ATRX: variants seen among roughly 807,000 people sequenced by gnomAD.
ATRX encodes the protein ATRX chromatin remodeler.
A neutral mutation model predicts 172.6 loss-of-function variants in ATRX; 12 were observed. That is an observed-to-expected ratio of 0.07 (90% CI 0.04 to 0.11). The LOEUF (loss-of-function observed/expected upper bound fraction) is 0.11, where lower values mean the gene tolerates loss of function less well. ATRX is among the 10% of genes least tolerant of loss of function. The pLI, the probability that ATRX is intolerant of heterozygous loss-of-function variation, is 1.00. For synonymous variants in ATRX, 674 were observed against 594.7 expected (o/e 1.13, Z -1.94); for missense variants, 1,368 against 1,767.4 (o/e 0.77, Z 4.05).
intron 30 of ATRX, among the ~76,000 whole-genome samples, chrX:77,534,011 T>C (rs1258177372): frequency 8.9e-6 from 1 of 111,833 alleles, no homozygotes; most frequent in Non-Finnish European, 1.9e-5. Context: ...CGAACAAGGG[T>C]TAATGAATAA....
intron 27 of ATRX, among the ~76,000 whole-genome samples, chrX:77,584,612 GA>G (rs1192804208): frequency 1.8e-5 from 2 of 111,258 alleles, no homozygotes; most frequent in Non-Finnish European, 3.8e-5. Context: ...ATATTCAGGA[GA>G]AAAAAACTAG....
intron 27 of ATRX, among the ~76,000 whole-genome samples, chrX:77,581,005 A>C (rs1557073617): frequency 8.9e-6 from 1 of 111,990 alleles, no homozygotes; most frequent in African/African-American, 3.2e-5. Flanking sequence ...AGCTTACAAT[A>C]ATGGGTTTTA....
intron 9 of ATRX, among the ~76,000 whole-genome samples, chrX:77,677,461 G>A (rs1212839393): frequency 2.7e-5 from 3 of 111,658 alleles, no homozygotes; most frequent in Non-Finnish European, 3.8e-5. Flanking sequence ...GAACTGGTTT[G>A]ATATATCGGT....
At chrX:77,516,122 G>A (rs2063045179) in intron 34 of ATRX, among the ~76,000 whole-genome samples, 1 of 111,410 alleles carries the variant, frequency 9.0e-6, no homozygotes, top group Non-Finnish European at 1.9e-5. Context: ...ATAACTTATG[G>A]GTGCTAGGCT....
At chrX:77,627,021 A>G (rs990769557) in intron 19 of ATRX, among the ~76,000 whole-genome samples, 1 of 110,904 alleles carries the variant, frequency 9.0e-6, no homozygotes, top group African/African-American at 3.3e-5. Flanking sequence ...GTCAGGAGAT[A>G]GAGACCATCC....
At chrX:77,524,747 C>CTT (rs781866146) in intron 30 of ATRX, among the ~76,000 whole-genome samples, 1 of 95,289 alleles carries the variant, frequency 1.0e-5, no homozygotes, top group African/African-American at 3.8e-5. Flanking sequence ...CTTTATAATT[C>CTT]TTTTTTTTTT....
rs1485016267 is a variant in ATRX, at chrX:77,618,875, G to A, written c.5379C>T (p.Thr1793=). 12 of 1,205,541 alleles carry A rather than the reference G, an allele frequency of 1.0e-5. No individual in the cohort carries two copies. In the Admixed American group the frequency reaches 2.4e-4, roughly 24 times the overall value. ...PIQNGQCADS[T]MVDVRVMKKR... ...TTTTCATCACTCTGACATCTACCAT[G>A]GTAGAATCTGCACACTGACCATTTT... The change falls in exon 21 of 35, where the codon ACC becomes ACT. Residue 1793 remains threonine (T), a synonymous_variant. Transcript: ENST00000373344.
chrX:77,713,748 T>A (rs2073227858), intron 2 of ATRX, among the ~76,000 whole-genome samples: 1 of 111,529 alleles, frequency 9.0e-6, no homozygotes. Flanking sequence ...ACATCACCAT[T>A]TTGAACCCAT....
rs1345948455 is a variant in ATRX at position 77,620,658 on chromosome X, G to T, written c.5135-126C>A. 13 of 656,597 alleles carry T rather than the reference G, an allele frequency of 2.0e-5. No homozygotes were observed. In the African/African-American group the frequency reaches 2.2e-4, roughly 11 times the overall value. 54.1% of individuals were successfully genotyped at this position (656,597 alleles called of 1,213,427 possible). A position where few individuals can be genotyped will look rare whatever the true frequency, so the allele number is the denominator to read the frequency against. On this transcript the variant is annotated intron_variant, in intron 19 of 34. Coordinates refer to ENST00000373344, the MANE Select transcript of ATRX (RefSeq NM_000489.6). ...TACAGGAAGATAAAATGACATCGTT[G>T]TAAGTATAAACATATTTTATCTGCT...
intron 1 of ATRX, among the ~76,000 whole-genome samples, chrX:77,762,304 C>CAAAAAA (rs782237740): frequency 8.5e-5 from 2 of 23,406 alleles, no homozygotes; most frequent in African/African-American, 1.6e-4. Flanking sequence ...GACTCTGTCT[C>CAAAAAA]AAAAAAAAAA....
intron 10 of ATRX, among the ~76,000 whole-genome samples, chrX:77,671,167 A>AAATATATATATAT (rs1424480831): frequency 6.4e-5 from 1 of 15,735 alleles, no homozygotes; most frequent in African/African-American, 2.1e-4. Context: ...AAAAAAAAAA[A>AAATATATATATAT]ATATATATAT....
chrX:77,546,813 G>A (rs1420339933), intron 30 of ATRX, among the ~76,000 whole-genome samples: 1 of 111,966 alleles, frequency 8.9e-6, no homozygotes, highest in Non-Finnish European at 1.9e-5. Flanking sequence ...CAAGCCACCA[G>A]GTGATTCTCC....
At chrX:77,657,474 C>T (rs1268749671) in intron 12 of ATRX, among the ~76,000 whole-genome samples, 1 of 111,510 alleles carries the variant, frequency 9.0e-6, no homozygotes, top group Non-Finnish European at 1.9e-5. Flanking sequence ...CAAACATGGG[C>T]AGGCACATGT....
intron 30 of ATRX, among the ~76,000 whole-genome samples, chrX:77,541,248 C>T (rs782304342): frequency 1.8e-5 from 2 of 112,151 alleles, no homozygotes; most frequent in Non-Finnish European, 3.8e-5. Flanking sequence ...GACACATGCA[C>T]CCTCCCAAGT....
chrX:77,511,513 G>C (rs1197480398), intron 34 of ATRX, among the ~76,000 whole-genome samples: 1 of 111,889 alleles, frequency 8.9e-6, no homozygotes, highest in Non-Finnish European at 1.9e-5. Context: ...GTGAATATAT[G>C]TGACAGAGAA....
At chrX:77,700,290 C>T (rs181845540) in intron 2 of ATRX, among the ~76,000 whole-genome samples, 1 of 112,109 alleles carries the variant, frequency 8.9e-6, no homozygotes, top group East Asian at 2.8e-4. Context: ...CAATATACCC[C>T]TGCATGCCTA....
chrX:77,574,835 A>G (rs1569525163), intron 27 of ATRX, among the ~76,000 whole-genome samples: 1 of 111,104 alleles, frequency 9.0e-6, no homozygotes, highest in Non-Finnish European at 1.9e-5. Flanking sequence ...AAATTATTCT[A>G]TGGGGTAGCT....
intron 30 of ATRX, among the ~76,000 whole-genome samples, chrX:77,534,033 T>C (rs188760288): frequency 1.1e-3 from 121 of 112,283 alleles, no homozygotes; most frequent in Non-Finnish European, 1.8e-3. Context: ...GTTTAATGTA[T>C]TTCAATCACT....
chrX:77,529,706 C>T (rs1191603898), intron 30 of ATRX, among the ~76,000 whole-genome samples: 3 of 111,870 alleles, frequency 2.7e-5, no homozygotes, highest in Non-Finnish European at 5.6e-5. Context: ...AAAAAAAACA[C>T]TGAAGTACAC....
Sources: allele counts gnomAD v4.1 joint callset (sites outside exome capture counted in the v4.1 genomes callset), GRCh38; gene constraint gnomAD v4.1.1; transcripts MANE v1.5; gene names NCBI Gene and HGNC (gene_info 2026-07-23, HGNC 2026-07-21).